The following ULK4 variants were observed in gnomAD, a reference collection of about 807,000 sequenced individuals.
The protein encoded by ULK4 is inactive serine/threonine-protein kinase ULK4.
In ULK4, 133 loss-of-function variants were observed where a neutral mutation model predicts 160.6. The ratio of observed to expected loss-of-function variants is 0.83; its 90% CI spans 0.72 to 0.96. The LOEUF (loss-of-function observed/expected upper bound fraction) is 0.96, where lower values mean the gene tolerates loss of function less well. Ranked by LOEUF, ULK4 falls within the 40% of genes least tolerant of loss-of-function variation. The pLI, the probability that ULK4 is intolerant of heterozygous loss-of-function variation, is 0.00. For missense variants in ULK4, 1,580 were observed against 1,499.5 expected, an observed-to-expected ratio of 1.05 and a Z score of -0.89; for synonymous variants, 534 against 539.8, an observed-to-expected ratio of 0.99 and a Z score of 0.15.
chr3:41,633,999 C>A (rs184409662), intron 30 of ULK4, among the ~76,000 whole-genome samples: 2 of 152,206 alleles, frequency 1.3e-5, no homozygotes, highest in Non-Finnish European at 1.5e-5. Flanking sequence ...AAAACCAGCA[C>A]TGAACCTTAC....
chr3:41,820,283 ACCATTTGAACCAGCAATC>A (rs2041100809), intron 18 of ULK4, among the ~76,000 whole-genome samples: 1 of 152,176 alleles, frequency 6.6e-6, no homozygotes, highest in African/African-American at 2.4e-5. Flanking sequence ...AAACAGAACT[ACCATTTGAACCAGCAATC>A]CCATTACTGG....
At chr3:41,378,297 C>T (rs2125791500) in intron 35 of ULK4, among the ~76,000 whole-genome samples, 1 of 151,038 alleles carries the variant, frequency 6.6e-6, no homozygotes, top group Non-Finnish European at 1.5e-5. Context: ...GTGGGTGCAG[C>T]ACACCAGCAT....
chr3:41,857,373 T>C (rs2042385312), intron 17 of ULK4, among the ~76,000 whole-genome samples: 1 of 152,242 alleles, frequency 6.6e-6, no homozygotes, highest in African/African-American at 2.4e-5. Context: ...TCTGCATCAA[T>C]ATTCATCAGA....
chr3:41,862,765 GTCTCTCTCTCTC>G (rs549887441), intron 17 of ULK4, among the ~76,000 whole-genome samples: 1 of 143,276 alleles, frequency 7.0e-6, no homozygotes, highest in Non-Finnish European at 1.5e-5. Context: ...CAGTCAGTCA[GTCTCTCTCTCTC>G]TCTCTCTCCG....
chr3:41,785,258 T>C (rs2039966718), intron 21 of ULK4, among the ~76,000 whole-genome samples: 1 of 152,178 alleles, frequency 6.6e-6, no homozygotes, highest in South Asian at 2.1e-4. Flanking sequence ...CAAGTTTCTT[T>C]TAATATCCCT....
intron 30 of ULK4, among the ~76,000 whole-genome samples, chr3:41,641,981 T>A (rs181378706): frequency 2.5e-3 from 386 of 151,752 alleles, no homozygotes; most frequent in Non-Finnish European, 3.4e-3. Flanking sequence ...GTTCAAGTGG[T>A]TCTCGTGCCT....
At chr3:41,876,494 TG>T (rs1423139018) in intron 17 of ULK4, among the ~76,000 whole-genome samples, 1 of 152,218 alleles carries the variant, frequency 6.6e-6, no homozygotes, top group African/African-American at 2.4e-5. Context: ...ACAACCTTAC[TG>T]GAAAACAGTT....
intron 29 of ULK4, among the ~76,000 whole-genome samples, chr3:41,673,294 C>T (rs577234418): frequency 3.3e-5 from 5 of 152,060 alleles, no homozygotes; most frequent in Admixed American, 1.3e-4. Flanking sequence ...TACAGAACCA[C>T]CCCGATGTCC....
intron 22 of ULK4, among the ~76,000 whole-genome samples, chr3:41,722,116 G>A (rs1302262683): frequency 6.6e-6 from 1 of 152,160 alleles, no homozygotes; most frequent in Non-Finnish European, 1.5e-5. Flanking sequence ...CTGCTGTGAG[G>A]ATGTAAATGA....
In ULK4 at chr3:41,463,105, A is replaced by C; in HGVS notation, c.3375T>G (p.Ile1125Met). 1 of 1,613,634 alleles carries C rather than the reference A, an allele frequency of 6.2e-7. No homozygotes were observed. Among genetic ancestry groups the C allele is most frequent in the African/African-American group, 1.3e-5 (1 of 75,022 alleles). Residue 1125 changes from isoleucine (I) to methionine (M), a missense_variant, in exon 33 of 37, where the codon ATT (isoleucine) becomes ATG (methionine). Physicochemically the swap from Ile to Met is conservative, Grantham distance 10. Transcript: ENST00000301831. ...LHSMLTYTSGIVRLALQAQKS... is the reference protein window; with the variant it reads ...LHSMLTYTSGMVRLALQAQKS... ...CCTCTACCTGCAAAGCCAGCCGTAC[A>C]ATACCGGAGGTATAGGTCAGCATGC...
At chr3:41,798,089 GAAGCCC>G (rs532292369) in intron 20 of ULK4, among the ~76,000 whole-genome samples, 14 of 152,034 alleles carry the variant, frequency 9.2e-5, no homozygotes, top group Admixed American at 2.6e-4. Flanking sequence ...CAAGTAATAA[GAAGCCC>G]AAGATAGAGT....
chr3:41,311,756 G>C (rs180814913), intron 35 of ULK4, among the ~76,000 whole-genome samples: 22 of 151,400 alleles, frequency 1.5e-4, no homozygotes, highest in African/African-American at 5.3e-4. Flanking sequence ...TTTTAGTAGC[G>C]ACAGGGTTTC....
chr3:41,940,790 C>T (rs1699926568), intron 2 of ULK4, among the ~76,000 whole-genome samples: 1 of 152,182 alleles, frequency 6.6e-6, no homozygotes, highest in African/African-American at 2.4e-5. Context: ...ACAATAAACA[C>T]ATTGATCTTA....
intron 35 of ULK4, among the ~76,000 whole-genome samples, chr3:41,387,832 G>A (rs9853766): frequency 0.51 from 77,953 of 151,948 alleles, 20,242 homozygotes; most frequent in African/African-American, 0.61. Context: ...CTCAGTAAAC[G>A]TACGTGTGCA....
chr3:41,756,943 C>T (rs1398576232), intron 21 of ULK4, among the ~76,000 whole-genome samples: 2 of 152,000 alleles, frequency 1.3e-5, no homozygotes, highest in Non-Finnish European at 2.9e-5. Context: ...CAATCTCAGA[C>T]TGGGGAAAAT....
chr3:41,638,222 T>C (rs2034041624), intron 30 of ULK4, among the ~76,000 whole-genome samples: 1 of 152,226 alleles, frequency 6.6e-6, no homozygotes, highest in Non-Finnish European at 1.5e-5. Flanking sequence ...AATGAAATTT[T>C]CTTTTATTAT....
At chr3:41,282,606 G>A (rs1406887748) in intron 35 of ULK4, among the ~76,000 whole-genome samples, 3 of 152,178 alleles carry the variant, frequency 2.0e-5, no homozygotes, top group Non-Finnish European at 1.5e-5. Context: ...TATGTAGAAA[G>A]CTGAAACTGG....
chr3:41,290,273 C>T (rs1002840874), intron 35 of ULK4, among the ~76,000 whole-genome samples: 1 of 152,154 alleles, frequency 6.6e-6, no homozygotes, highest in Non-Finnish European at 1.5e-5. Context: ...GCTAAGTTTA[C>T]GGAAAGTTTG....
intron 32 of ULK4, 95 bp downstream of exon 32, chr3:41,565,930 T>C (rs1372208477): frequency 4.7e-6 from 4 of 846,146 alleles, no homozygotes; most frequent in Non-Finnish European, 5.4e-6. Context: ...TTTTGACTCA[T>C]CAACTTTAAG....
Sources: gnomAD v4.1 joint callset for allele counts (sites outside exome capture counted in the v4.1 genomes callset) on GRCh38, gnomAD v4.1.1 for gene constraint, MANE v1.5 for transcripts, NCBI Gene and HGNC (gene_info 2026-07-23, HGNC 2026-07-21) for gene names.